The following ERBB4 variants were observed in gnomAD, a reference collection of about 807,000 sequenced individuals.
ERBB4 encodes receptor tyrosine-protein kinase erbB-4.
In ERBB4, 42 loss-of-function variants were observed where a neutral mutation model predicts 158.0. The observed-to-expected ratio is 0.27, with a 90% CI of 0.21 to 0.34. The LOEUF is 0.34. Among genes scored for constraint, ERBB4 ranks in the 10% least tolerant of loss-of-function variants. ERBB4 has a pLI of 1.00. For missense variants in ERBB4, 1,333 were observed against 1,624.1 expected (o/e 0.82, Z 3.08); for synonymous variants, 583 against 558.7 (o/e 1.04, Z -0.61).
intron 2 of ERBB4, among the ~76,000 whole-genome samples, chr2:212,091,615 G>T (rs929895048): frequency 2.6e-5 from 4 of 151,986 alleles, no homozygotes; most frequent in Admixed American, 1.3e-4. Context: ...GGAACAAAGG[G>T]CTTAAAGAAA....
Position 211,430,800 on chromosome 2 carries a change from G to C in ERBB4, c.2643+145C>G, listed in dbSNP as rs530473732. 11 of 696,040 alleles carry C rather than the reference G, an allele frequency of 1.6e-5. No individual in the cohort carries two copies. In the South Asian group the frequency reaches 1.7e-4, roughly 11 times the overall value. The allele number at this position is 696,040 out of a possible 1,614,324, so 43.1% of individuals were successfully genotyped here. On this transcript the variant is annotated intron_variant, in intron 21 of 27. Coordinates refer to ENST00000342788, the MANE Select transcript of ERBB4 (RefSeq NM_005235.3). ...TATACACACACATATATATATACCC[G>C]GGGCAGGAGAAGAGGCAAATGGTAG...
intron 25 of ERBB4, among the ~76,000 whole-genome samples, chr2:211,413,793 G>C (rs1010236664): frequency 8.6e-5 from 13 of 151,972 alleles, no homozygotes; most frequent in African/African-American, 3.1e-4. Flanking sequence ...TAGGCATGCG[G>C]ACACATTGAA....
At chr2:212,113,383 GGC>G (rs1458106946) in intron 2 of ERBB4, among the ~76,000 whole-genome samples, 1 of 151,876 alleles carries the variant, frequency 6.6e-6, no homozygotes, top group Non-Finnish European at 1.5e-5. Flanking sequence ...AGACCATCCT[GGC>G]TAACACGGTG....
intron 3 of ERBB4, among the ~76,000 whole-genome samples, chr2:211,882,461 A>G (rs1463931312): frequency 1.3e-5 from 2 of 152,154 alleles, no homozygotes; most frequent in African/African-American, 4.8e-5. Flanking sequence ...CAATAGATAA[A>G]TATAATAAAT....
intron 1 of ERBB4, among the ~76,000 whole-genome samples, chr2:212,227,315 C>T (rs1393585435): frequency 6.6e-6 from 1 of 151,268 alleles, no homozygotes; most frequent in African/African-American, 2.4e-5. Flanking sequence ...TGAACCTCAA[C>T]AAAGCTTCAG....
At chr2:211,656,015 C>G (rs759858715) in intron 16 of ERBB4, among the ~76,000 whole-genome samples, 8 of 152,218 alleles carry the variant, frequency 5.3e-5, no homozygotes, top group Non-Finnish European at 1.2e-4. Context: ...TGACTAAATT[C>G]AGTGACACAG....
At chr2:212,039,858 A>AAAAGG (rs530914847) in intron 2 of ERBB4, among the ~76,000 whole-genome samples, 6 of 152,078 alleles carry the variant, frequency 3.9e-5, no homozygotes, top group African/African-American at 4.8e-5. Context: ...AAAAGAAAAG[A>AAAAGG]AAAGGAAAGA....
chr2:212,219,450 T>TA (rs1388996475), intron 1 of ERBB4, among the ~76,000 whole-genome samples: 1 of 151,352 alleles, frequency 6.6e-6, no homozygotes, highest in African/African-American at 2.4e-5. Context: ...TATTATTTAA[T>TA]AAAAAATAAT....
Position 211,724,681 on chromosome 2 carries a change from G to A in ERBB4, c.741+395C>T, listed in dbSNP as rs183622206. The stretch of plus-strand genomic sequence containing the variant: ...AACTAGAAAATACTGAAACTCATAA[G>A]TATATCTTCTATAATCTTGAAATTT... On this transcript the variant is annotated intron_variant, in intron 6 of 27. Transcript: ENST00000342788. Among the ~76,000 whole-genome samples the A allele has an allele frequency of 1.6e-3, 245 of 151,860 alleles. 1 individual carries two copies. The highest frequency in any genetic ancestry group is 5.1e-3 in the African/African-American group (212 of 41,448).
chr2:211,531,184 A>T (rs1277266193), intron 20 of ERBB4, among the ~76,000 whole-genome samples: 1 of 152,184 alleles, frequency 6.6e-6, no homozygotes, highest in African/African-American at 2.4e-5. Context: ...TTAAATACTT[A>T]AATCGAAGAC....
Position 211,559,026 on chromosome 2 carries a change from T to C in ERBB4, c.2487+2877A>G, listed in dbSNP as rs149850645. On this transcript the variant is annotated intron_variant, in intron 20 of 27. Transcript: ENST00000342788. ...TACCTCATTAACATTCCCAGTTTCA[T>C]GTTCTATAAACTTTTCCAATGTGCC... Among the ~76,000 whole-genome samples, 9 of 152,280 alleles carry C rather than the reference T, an allele frequency of 5.9e-5. No homozygotes were observed. The East Asian group carries it at 1.7e-3, about 29-fold the overall frequency.
chr2:212,391,634 T>A (rs1185682326), intron 1 of ERBB4, among the ~76,000 whole-genome samples: 1 of 131,430 alleles, frequency 7.6e-6, no homozygotes, highest in Non-Finnish European at 1.6e-5. Context: ...TATATTATAT[T>A]GACATATAAT....
chr2:212,373,116 G>T (rs1472787466), intron 1 of ERBB4, among the ~76,000 whole-genome samples: 1 of 152,100 alleles, frequency 6.6e-6, no homozygotes. Context: ...TTTATTAAGT[G>T]GTTAGTATAT....
intron 1 of ERBB4, among the ~76,000 whole-genome samples, chr2:212,503,691 A>G (rs2106249485): frequency 6.6e-6 from 1 of 152,328 alleles, no homozygotes; most frequent in South Asian, 2.1e-4. Context: ...AGTACAAAAG[A>G]TAACTACTTT....
At chr2:211,464,119 C>T (rs944933580) in intron 20 of ERBB4, among the ~76,000 whole-genome samples, 6 of 152,160 alleles carry the variant, frequency 3.9e-5, no homozygotes, top group Non-Finnish European at 7.3e-5. Flanking sequence ...TATTTCTTCT[C>T]CCTTTCTTTG....
At chr2:212,061,508 TTTCCA>T (rs1216107294) in intron 2 of ERBB4, among the ~76,000 whole-genome samples, 2 of 149,770 alleles carry the variant, frequency 1.3e-5, no homozygotes. Context: ...ACAATTTGTG[TTTCCA>T]TTAAGCCATA....
At chr2:212,261,621 T>C (rs1209519565) in intron 1 of ERBB4, among the ~76,000 whole-genome samples, 1 of 152,010 alleles carries the variant, frequency 6.6e-6, no homozygotes, top group African/African-American at 2.4e-5. Context: ...GCAAAGACAA[T>C]CCACATATGA....
At chr2:212,252,460 C>CAT (rs149998015) in intron 1 of ERBB4, among the ~76,000 whole-genome samples, 9,117 of 152,004 alleles carry the variant, frequency 0.06, 378 homozygotes, top group African/African-American at 0.12. Context: ...GTAAGCATGC[C>CAT]ATATGAAGGT....
intron 3 of ERBB4, among the ~76,000 whole-genome samples, chr2:211,789,082 A>G (rs2076228213): frequency 6.6e-6 from 1 of 152,130 alleles, no homozygotes; most frequent in Non-Finnish European, 1.5e-5. Context: ...ATAAAAACTG[A>G]AATATATCCT....
Sources: allele counts gnomAD v4.1 joint callset (sites outside exome capture counted in the v4.1 genomes callset), GRCh38; gene constraint gnomAD v4.1.1; transcripts MANE v1.5; gene names NCBI Gene and HGNC (gene_info 2026-07-23, HGNC 2026-07-21).